The following THRAP3 variants were observed in gnomAD, a reference collection of about 807,000 sequenced individuals.
THRAP3 encodes thyroid hormone receptor-associated protein 3.
Under a neutral mutation model 101.0 loss-of-function variants are expected in THRAP3, and 16 were observed. The ratio of observed to expected loss-of-function variants is 0.16; its 90% CI spans 0.11 to 0.24. The LOEUF (loss-of-function observed/expected upper bound fraction) is 0.24, where lower values mean the gene tolerates loss of function less well. Ranked by LOEUF, THRAP3 falls within the 10% of genes least tolerant of loss-of-function variation. The pLI, the probability that THRAP3 is intolerant of heterozygous loss-of-function variation, is 1.00. For synonymous variants in THRAP3, 407 were observed against 422.6 expected, an observed-to-expected ratio of 0.96 and a Z score of 0.45; for missense variants, 989 against 1,202.7, an observed-to-expected ratio of 0.82 and a Z score of 2.63.
intron 1 of THRAP3, among the ~76,000 whole-genome samples, chr1:36,243,731 C>T (rs1263576310): frequency 1.0e-3 from 151 of 150,704 alleles, no homozygotes; most frequent in African/African-American, 3.5e-3. Flanking sequence ...CCAGACGGGG[C>T]GGTGGCCGGG....
intron 11 of THRAP3, among the ~76,000 whole-genome samples, chr1:36,302,134 G>A (rs1646037725): frequency 6.6e-6 from 1 of 152,202 alleles, no homozygotes; most frequent in African/African-American, 2.4e-5. Context: ...TGAAATGCCA[G>A]TGGGGCTTCT....
Position 36,289,151 on chromosome 1 carries a change from T to C in THRAP3, c.1132T>C (p.Phe378Leu). The C allele has an allele frequency of 6.2e-7, 1 of 1,613,206 alleles. No individual in the cohort carries two copies. The change falls in exon 5 of 12, where the codon TTC becomes CTC. Residue 378 changes from phenylalanine (F) to leucine (L), a missense_variant. By Grantham distance (22) the Phe-to-Leu change is conservative (BLOSUM62 0). Transcript: ENST00000354618. ...AGAAAAAATAAAAGAGAAAGGGAGC[T>C]TCTCTGACACAGGCTTGGGTGATGG... ...DKEKIKEKGS[F>L]SDTGLGDGKM...
At chr1:36,272,853 T>G (rs1244242702) in intron 2 of THRAP3, among the ~76,000 whole-genome samples, 1 of 152,234 alleles carries the variant, frequency 6.6e-6, no homozygotes, top group Non-Finnish European at 1.5e-5. Context: ...TATGTGCCTT[T>G]GAATAAGGTG....
rs755132233 is a variant in THRAP3, at chr1:36,282,607, G to A, written c.44G>A (p.Arg15His). The change falls in exon 3 of 12, where the codon CGC (arginine) becomes CAC (histidine). Residue 15 changes from arginine to histidine, a missense_variant. Coordinates refer to ENST00000354618, the MANE Select transcript of THRAP3 (RefSeq NM_005119.4). ...NKSKSGSRSS[R>H]SRSASRSRSR... ...TCCAAGTCTGGATCTCGCTCTTCTC[G>A]CTCAAGATCTGCATCAAGATCTCGT... The A allele has an allele frequency of 1.2e-5, 19 of 1,613,756 alleles. No homozygotes were observed. Among genetic ancestry groups the A allele is most frequent in the South Asian group, 2.2e-5 (2 of 91,074 alleles).
chr1:36,276,142 C>T (rs1287270994), intron 2 of THRAP3, among the ~76,000 whole-genome samples: 1 of 151,742 alleles, frequency 6.6e-6, no homozygotes, highest in Non-Finnish European at 1.5e-5. Context: ...TCTTTGTGAC[C>T]TTGGGTTAGA....
intron 2 of THRAP3, among the ~76,000 whole-genome samples, chr1:36,281,346 T>C (rs541942239): frequency 6.6e-5 from 10 of 152,338 alleles, no homozygotes; most frequent in African/African-American, 1.7e-4. Flanking sequence ...CTCATTACTT[T>C]TATTAACAGC....
chr1:36,267,609 G>T (rs1163994373), intron 2 of THRAP3, among the ~76,000 whole-genome samples: 2 of 152,176 alleles, frequency 1.3e-5, no homozygotes, highest in African/African-American at 4.8e-5. Context: ...ACTTTGTGGG[G>T]AGAAGAAAGA....
At chr1:36,262,791 T>TTTA (rs1217704604) in intron 2 of THRAP3, among the ~76,000 whole-genome samples, 1 of 146,952 alleles carries the variant, frequency 6.8e-6, no homozygotes, top group East Asian at 2.0e-4. Context: ...ATTTTATTTA[T>TTTA]TTATTATTAT....
intron 11 of THRAP3, 114 bp from the exon 12 acceptor site, chr1:36,303,682 C>G: frequency 2.7e-6 from 4 of 1,498,106 alleles, no homozygotes; most frequent in Non-Finnish European, 3.6e-6. Context: ...GATCAAAAGG[C>G]TGGGTTAGGG....
At chr1:36,277,625 A>G (rs1210917336) in intron 2 of THRAP3, among the ~76,000 whole-genome samples, 1 of 152,058 alleles carries the variant, frequency 6.6e-6, no homozygotes, top group African/African-American at 2.4e-5. Flanking sequence ...TCCTGCCTCA[A>G]GTCTCCCAAG....
intron 3 of THRAP3, among the ~76,000 whole-genome samples, chr1:36,283,595 A>G (rs1332159524): frequency 6.6e-6 from 1 of 151,846 alleles, no homozygotes; most frequent in African/African-American, 2.4e-5. Flanking sequence ...ATGATTTGTC[A>G]TGTTTGACAC....
chr1:36,231,975 G>T (rs1225652575), intron 1 of THRAP3, among the ~76,000 whole-genome samples: 1 of 152,146 alleles, frequency 6.6e-6, no homozygotes, highest in Non-Finnish European at 1.5e-5. Context: ...CCAGCACTTT[G>T]GGAGGCTGAG....
chr1:36,246,735 G>A (rs1244155410), intron 1 of THRAP3, among the ~76,000 whole-genome samples: 1 of 151,942 alleles, frequency 6.6e-6, no homozygotes, highest in Non-Finnish European at 1.5e-5. Flanking sequence ...CCAGCTGCTC[G>A]GGAGGCTGAG....
chr1:36,236,589 G>A (rs1312524179), intron 1 of THRAP3, among the ~76,000 whole-genome samples: 1 of 151,758 alleles, frequency 6.6e-6, no homozygotes, highest in Non-Finnish European at 1.5e-5. Context: ...AGCTACCACT[G>A]CACCAGTCTA....
chr1:36,282,808 G>T (rs990739143), intron 3 of THRAP3, 108 bp downstream of exon 3: 85 of 1,327,000 alleles, frequency 6.4e-5, no homozygotes, highest in Admixed American at 2.7e-4. Flanking sequence ...GGACTGGGGG[G>T]TTGGCTTGAG....
chr1:36,221,878 C>T (rs1208648792), upstream of THRAP3, among the ~76,000 whole-genome samples: 2 of 150,518 alleles, frequency 1.3e-5, no homozygotes, highest in Non-Finnish European at 2.9e-5. Context: ...GGCACGATCT[C>T]GGCTCACCGC....
chr1:36,224,462 T>A lies in THRAP3; in HGVS notation c.-178T>A, dbSNP rs902182494. On this transcript the variant is annotated 5_prime_UTR_variant, in exon 1 of 12. Transcript: ENST00000354618. Reference sequence around the variant, plus strand: ...GGGCGGGGGCGAGGTTCGGGCTGGTTGTTCCGTTGCGAGCTGCAGCTGCGA... The same window carrying A: ...GGGCGGGGGCGAGGTTCGGGCTGGTAGTTCCGTTGCGAGCTGCAGCTGCGA... The A allele has an allele frequency of 6.5e-6, 1 of 152,986 alleles. No homozygotes were observed. The highest frequency in any genetic ancestry group is 2.4e-5 in the African/African-American group (1 of 41,450). The allele number at this position is 152,986 out of a possible 1,614,324, so 9.5% of individuals were successfully genotyped here. A position where few individuals can be genotyped will look rare whatever the true frequency, so the allele number is the denominator to read the frequency against.
At chr1:36,213,960 AAGGAAAGAG>A in the THRAP3 span, among the ~76,000 whole-genome samples, 1 of 120,276 alleles carries the variant, frequency 8.3e-6, no homozygotes, top group East Asian at 2.2e-4. Flanking sequence ...AGAAAGAAAG[AAGGAAAGAG>A]AAAGAAAGAA....
chr1:36,298,039 C>T (rs180924578), intron 9 of THRAP3, among the ~76,000 whole-genome samples: 18 of 146,376 alleles, frequency 1.2e-4, no homozygotes, highest in Admixed American at 9.8e-4. Context: ...CCCAGCTACT[C>T]GGGAGGCTAA....
Sources: gnomAD v4.1 joint callset for allele counts (sites outside exome capture counted in the v4.1 genomes callset) on GRCh38, gnomAD v4.1.1 for gene constraint, MANE v1.5 for transcripts, NCBI Gene and HGNC (gene_info 2026-07-23, HGNC 2026-07-21) for gene names.